RGS9: variants seen among roughly 807,000 people sequenced by gnomAD.
RGS9 encodes the protein regulator of G-protein signalling 9.
A neutral mutation model predicts 102.0 loss-of-function variants in RGS9; 78 were observed. The observed-to-expected ratio is 0.76, with a 90% confidence interval of 0.64 to 0.92. The LOEUF is 0.92. Among genes scored for constraint, RGS9 ranks in the 40% least tolerant of loss-of-function variants. The probability of loss-of-function intolerance (pLI) is 0.00; values close to 1 mark genes in which losing one functional copy is unlikely to be tolerated. For synonymous variants in RGS9, 353 were observed against 318.6 expected, an observed-to-expected ratio of 1.11 and a Z score of -1.15; for missense variants, 833 against 866.1, an observed-to-expected ratio of 0.96 and a Z score of 0.48.
chr17:65,193,931 G>A (rs1261266835), intron 12 of RGS9, among the ~76,000 whole-genome samples: 1 of 152,112 alleles, frequency 6.6e-6, no homozygotes, highest in African/African-American at 2.4e-5. Context: ...ATGACAGAGG[G>A]ACTGGCTGGC....
chr17:65,210,253 G>C (rs1375803499), intron 16 of RGS9, among the ~76,000 whole-genome samples: 1 of 152,104 alleles, frequency 6.6e-6, no homozygotes, highest in Non-Finnish European at 1.5e-5. Flanking sequence ...CCAACAAAAG[G>C]GTCTTCCTTG....
At chr17:65,164,583 C>T (rs1911103992) in intron 7 of RGS9, among the ~76,000 whole-genome samples, 1 of 152,144 alleles carries the variant, frequency 6.6e-6, no homozygotes, top group Non-Finnish European at 1.5e-5. Context: ...ACCCAGCAGC[C>T]TAGGTATTGG....
chr17:65,152,433 G>A (rs1344931440), intron 1 of RGS9, among the ~76,000 whole-genome samples: 1 of 152,236 alleles, frequency 6.6e-6, no homozygotes, highest in Admixed American at 6.5e-5. Flanking sequence ...GAACAGCCAC[G>A]CAGAAGAGTG....
intron 17 of RGS9, among the ~76,000 whole-genome samples, chr17:65,211,470 G>A (rs747146885): frequency 6.6e-6 from 1 of 152,238 alleles, no homozygotes; most frequent in Admixed American, 6.5e-5. Context: ...TTCATGGGAA[G>A]AGGATGGTAG....
intron 8 of RGS9, among the ~76,000 whole-genome samples, chr17:65,176,901 T>G (rs1911650483): frequency 6.6e-6 from 1 of 151,782 alleles, no homozygotes; most frequent in Admixed American, 6.6e-5. Flanking sequence ...CATCCATCCA[T>G]CCATCCATCC....
chr17:65,193,867 C>T (rs1459709724), intron 12 of RGS9, among the ~76,000 whole-genome samples: 2 of 152,084 alleles, frequency 1.3e-5, no homozygotes, highest in Admixed American at 6.5e-5. Flanking sequence ...TCTGTGTTTA[C>T]GGATTTGTCT....
At chr17:65,149,590 G>A (rs1910501657) in intron 1 of RGS9, among the ~76,000 whole-genome samples, 1 of 152,104 alleles carries the variant, frequency 6.6e-6, no homozygotes, top group Admixed American at 6.5e-5. Context: ...AACCCTGCAT[G>A]CAAAGTTTCA....
At chr17:65,197,823 C>T (rs566865625) in intron 13 of RGS9, among the ~76,000 whole-genome samples, 2 of 152,034 alleles carry the variant, frequency 1.3e-5, no homozygotes, top group Non-Finnish European at 2.9e-5. Flanking sequence ...GTGCCTGTCA[C>T]CACACCTGGC....
chr17:65,197,073 A>T, intron 12 of RGS9, 53 bp from the exon 13 acceptor site: 2 of 1,339,768 alleles, frequency 1.5e-6, no homozygotes, highest in Non-Finnish European at 1.1e-6. Flanking sequence ...AACCCAGGCC[A>T]CCACCTGTCA....
chr17:65,197,663 TG>T (rs1275411609), intron 13 of RGS9, among the ~76,000 whole-genome samples: 37 of 152,052 alleles, frequency 2.4e-4, no homozygotes, highest in African/African-American at 8.4e-4. Flanking sequence ...CTTTTTTCTT[TG>T]TTTCTTTCTT....
At chr17:65,218,273 G>A (rs910336181) in intron 17 of RGS9, among the ~76,000 whole-genome samples, 1 of 152,178 alleles carries the variant, frequency 6.6e-6, no homozygotes, top group Non-Finnish European at 1.5e-5. Flanking sequence ...CGGGAAAGAG[G>A]GAGGTGTTGT....
At chr17:65,180,266 T>C (rs538460627) in intron 9 of RGS9, among the ~76,000 whole-genome samples, 29 of 152,184 alleles carry the variant, frequency 1.9e-4, no homozygotes, top group Non-Finnish European at 3.4e-4. Context: ...GATTTTTGTC[T>C]CACTTCAGAG....
rs762893926 is a variant in RGS9, at chr17:65,160,330, C to T, written c.303C>T (p.Tyr101=). ...NLILKPDGSL[Y]RFQTPYFWPT... ...TTCTCAAGCCTGATGGCAGCCTCTACAGATTTCAGGTGAGTCTTGGCCTTG... is the reference window on the plus strand; with the variant it reads ...TTCTCAAGCCTGATGGCAGCCTCTATAGATTTCAGGTGAGTCTTGGCCTTG... The change falls in exon 4 of 19, where the codon TAC becomes TAT. Residue 101 remains tyrosine (Y), a synonymous_variant. Coordinates refer to ENST00000262406, the MANE Select transcript of RGS9 (RefSeq NM_003835.4). The T allele has an allele frequency of 6.2e-5, 100 of 1,613,166 alleles. No individual in the cohort carries two copies. The highest frequency in any genetic ancestry group is 1.3e-5 in the Non-Finnish European group (15 of 1,179,192).
chr17:65,190,036 C>T (rs1478896719), intron 10 of RGS9, 139 bp from the exon 11 acceptor site: 1 of 773,882 alleles, frequency 1.3e-6, no homozygotes, highest in African/African-American at 1.7e-5. Context: ...GCCTGACCCA[C>T]TGGTACTGAG....
chr17:65,198,261 T>C (rs1367151130), intron 13 of RGS9, among the ~76,000 whole-genome samples: 1 of 94,898 alleles, frequency 1.1e-5, no homozygotes, highest in Non-Finnish European at 1.7e-5. Flanking sequence ...AACTGTGACT[T>C]TTTTTTTTTT....
chr17:65,205,347 GTGATATAGGTTATA>G (rs1156740655), intron 15 of RGS9, among the ~76,000 whole-genome samples: 5 of 152,102 alleles, frequency 3.3e-5, no homozygotes, highest in Admixed American at 6.6e-5. Context: ...TATAGGTTAT[GTGATATAGGTTATA>G]TGAGATAGAT....
chr17:65,161,659 A>T (rs934961187), intron 6 of RGS9, among the ~76,000 whole-genome samples: 2 of 152,012 alleles, frequency 1.3e-5, no homozygotes, highest in Non-Finnish European at 2.9e-5. Context: ...AAAGGCCAAA[A>T]TTTCTGGGTG....
intron 1 of RGS9, among the ~76,000 whole-genome samples, chr17:65,147,022 C>G (rs1910391654): frequency 6.6e-6 from 1 of 152,182 alleles, no homozygotes; most frequent in Admixed American, 6.5e-5. Flanking sequence ...GGGCCACCCC[C>G]AGGAGCAGCA....
chr17:65,223,969 C>T (rs183746894), intron 17 of RGS9, among the ~76,000 whole-genome samples: 11 of 151,688 alleles, frequency 7.3e-5, no homozygotes, highest in African/African-American at 2.7e-4. Flanking sequence ...GTTGGCCAGG[C>T]TGGTCTCGAA....
Sources: allele counts gnomAD v4.1 joint callset (sites outside exome capture counted in the v4.1 genomes callset), GRCh38; gene constraint gnomAD v4.1.1; transcripts MANE v1.5; gene names NCBI Gene and HGNC (gene_info 2026-07-23, HGNC 2026-07-21).